ADAM23: variants seen among roughly 807,000 people sequenced by gnomAD.
ADAM23 encodes the protein ADAM metallopeptidase domain 23.
A neutral mutation model predicts 120.1 loss-of-function variants in ADAM23; 33 were observed. The ratio of observed to expected loss-of-function variants is 0.27; its 90% CI spans 0.21 to 0.37. The LOEUF is 0.37. ADAM23 is among the 10% of genes least tolerant of loss of function. The pLI, the probability that ADAM23 is intolerant of heterozygous loss-of-function variation, is 1.00. For missense variants in ADAM23, 862 were observed against 1,058.2 expected (o/e 0.81, Z 2.57); for synonymous variants, 367 against 375.2 (o/e 0.98, Z 0.25).
chr2:206,462,419 A>T (rs1039207295), intron 2 of ADAM23, among the ~76,000 whole-genome samples: 2 of 152,222 alleles, frequency 1.3e-5, no homozygotes, highest in Admixed American at 6.5e-5. Context: ...CAACCTAAGT[A>T]CTATCTTTTG....
intron 2 of ADAM23, among the ~76,000 whole-genome samples, chr2:206,452,764 C>T (rs1488124278): frequency 6.6e-6 from 1 of 152,170 alleles, no homozygotes; most frequent in Non-Finnish European, 1.5e-5. Context: ...TCATCTTTCT[C>T]AGCCATGCCC....
chr2:206,535,734 T>G (rs1697159277), intron 4 of ADAM23, among the ~76,000 whole-genome samples: 1 of 152,208 alleles, frequency 6.6e-6, no homozygotes, highest in African/African-American at 2.4e-5. Context: ...CGATTCTGTT[T>G]ATTTGACATG....
chr2:206,478,507 T>TATGATGATGATGATGATG (rs58463126), intron 2 of ADAM23, among the ~76,000 whole-genome samples: 1 of 150,416 alleles, frequency 6.6e-6, no homozygotes, highest in African/African-American at 2.5e-5. Flanking sequence ...ATCATAATGA[T>TATGATGATGATGATGATG]ATGATGATGA....
At chr2:206,530,512 A>AT (rs940587042) in intron 3 of ADAM23, among the ~76,000 whole-genome samples, 2 of 152,068 alleles carry the variant, frequency 1.3e-5, no homozygotes, top group Non-Finnish European at 2.9e-5. Flanking sequence ...CAGATCCTGA[A>AT]TAATGTGAAT....
chr2:206,500,488 T>C (rs535982795), intron 3 of ADAM23, among the ~76,000 whole-genome samples: 19 of 152,296 alleles, frequency 1.2e-4, no homozygotes, highest in Non-Finnish European at 2.5e-4. Flanking sequence ...GTAAGATTTA[T>C]CTCTATCTCA....
chr2:206,458,304 G>A (rs1478976633), intron 2 of ADAM23, among the ~76,000 whole-genome samples: 1 of 93,674 alleles, frequency 1.1e-5, no homozygotes, highest in Non-Finnish European at 2.4e-5. Flanking sequence ...GGGAATCCAA[G>A]TTGTGAACTG....
Position 206,594,806 on chromosome 2 carries a change from G to A in ADAM23, c.2148G>A (p.Pro716=), listed in dbSNP as rs750323915. ...GYVEDGTPCG[P]SMMCLDRKCL... ...TAGAAGATGGAACGCCATGTGGCCCGTCTATGATGTGTTTAGATCGGAAGT... is the reference window on the plus strand; with the variant it reads ...TAGAAGATGGAACGCCATGTGGCCCATCTATGATGTGTTTAGATCGGAAGT... The change falls in exon 23 of 26, where the codon CCG becomes CCA. Residue 716 remains proline, a synonymous_variant. Transcript: ENST00000264377. The A allele has an allele frequency of 1.8e-5, 29 of 1,614,064 alleles. No homozygotes were observed. Among genetic ancestry groups the A allele is most frequent in the South Asian group, 3.3e-5 (3 of 91,092 alleles).
intron 18 of ADAM23, among the ~76,000 whole-genome samples, chr2:206,586,525 A>C (rs942511656): frequency 7.2e-5 from 11 of 152,222 alleles, no homozygotes; most frequent in African/African-American, 2.4e-4. Context: ...AGGATGGAAC[A>C]TCATTTACTG....
At chr2:206,606,880 G>A (rs908459156) in intron 24 of ADAM23, 2 of 152,130 alleles carry the variant, frequency 1.3e-5, no homozygotes, top group African/African-American at 4.8e-5. Flanking sequence ...AGTGGCCCAG[G>A]AATGAATTAC....
At position 206,445,531 on chromosome 2, in the gene ADAM23, A is replaced by G; in HGVS notation, c.432+7A>G. The stretch of plus-strand genomic sequence containing the variant: ...CCAGCAAAAACATAATAAGGTAGGC[A>G]GGAGGCTGGCTATGCAAAAGTAACT... On this transcript the variant is annotated splice_region_variant and intron_variant, in intron 2 of 25. Transcript: ENST00000264377. 6.2e-7 allele frequency: 1 copy of G among 1,608,252 alleles called. No individual in the cohort carries two copies. Among genetic ancestry groups the G allele is most frequent in the Non-Finnish European group, 8.5e-7 (1 of 1,177,076 alleles).
intron 3 of ADAM23, among the ~76,000 whole-genome samples, chr2:206,493,339 G>A (rs1696170153): frequency 6.6e-6 from 1 of 152,118 alleles, no homozygotes; most frequent in Non-Finnish European, 1.5e-5. Context: ...TATTTAGATT[G>A]TGTTTAAAAA....
intron 20 of ADAM23, among the ~76,000 whole-genome samples, 189 bp from the exon 21 acceptor site, chr2:206,589,220 T>C (rs191805824): frequency 1.3e-5 from 2 of 152,346 alleles, no homozygotes; most frequent in African/African-American, 4.8e-5. Flanking sequence ...TGGAAGCCCA[T>C]GGATATCACA....
intron 2 of ADAM23, among the ~76,000 whole-genome samples, chr2:206,456,343 G>C (rs958159888): frequency 1.3e-5 from 2 of 151,860 alleles, no homozygotes; most frequent in Non-Finnish European, 2.9e-5. Context: ...ATCCACCCCC[G>C]AGATCCAATC....
intron 3 of ADAM23, among the ~76,000 whole-genome samples, chr2:206,489,016 G>T (rs1447187791): frequency 1.3e-5 from 2 of 152,164 alleles, no homozygotes; most frequent in Admixed American, 6.5e-5. Flanking sequence ...TTGGCTAAAT[G>T]TTTTTTTCAG....
chr2:206,449,001 A>G (rs1319697124), intron 2 of ADAM23, among the ~76,000 whole-genome samples: 1 of 152,154 alleles, frequency 6.6e-6, no homozygotes, highest in Non-Finnish European at 1.5e-5. Flanking sequence ...TTGGCATCTG[A>G]AGTGGGCATT....
At chr2:206,591,517 A>T (rs1042735718) in intron 21 of ADAM23, among the ~76,000 whole-genome samples, 1 of 152,216 alleles carries the variant, frequency 6.6e-6, no homozygotes, top group Non-Finnish European at 1.5e-5. Flanking sequence ...GCACAAATGA[A>T]TGAATATACT....
intron 2 of ADAM23, among the ~76,000 whole-genome samples, chr2:206,448,413 C>T (rs1695123817): frequency 6.6e-6 from 1 of 152,130 alleles, no homozygotes; most frequent in South Asian, 2.1e-4. Flanking sequence ...TTTAATTTTG[C>T]TTTGTGTGAT....
At chr2:206,445,045 T>C (rs1390032760) in intron 1 of ADAM23, among the ~76,000 whole-genome samples, 2 of 147,854 alleles carry the variant, frequency 1.4e-5, no homozygotes, top group African/African-American at 5.0e-5. Flanking sequence ...TGACTAGAAA[T>C]GTATATATAA....
At chr2:206,538,803 G>T (rs547120184) in intron 4 of ADAM23, among the ~76,000 whole-genome samples, 17 of 152,118 alleles carry the variant, frequency 1.1e-4, no homozygotes, top group Non-Finnish European at 2.4e-4. Context: ...TAGAGGCAGG[G>T]TCTTTCTACA....
Sources: allele counts gnomAD v4.1 joint callset (sites outside exome capture counted in the v4.1 genomes callset), GRCh38; gene constraint gnomAD v4.1.1; transcripts MANE v1.5; gene names NCBI Gene and HGNC (gene_info 2026-07-23, HGNC 2026-07-21).